The following TNR variants were observed in gnomAD, a reference collection of about 807,000 sequenced individuals.
TNR encodes the protein tenascin-R.
A neutral mutation model predicts 150.4 loss-of-function variants in TNR; 45 were observed. That is an observed-to-expected ratio of 0.30 (90% CI 0.24 to 0.38). The LOEUF (loss-of-function observed/expected upper bound fraction) is 0.38. TNR is among the 10% of genes least tolerant of loss of function. The probability of loss-of-function intolerance (pLI) is 1.00; values close to 1 mark genes in which losing one functional copy is unlikely to be tolerated. For missense variants in TNR, 1,544 were observed against 1,759.1 expected (o/e 0.88, Z 2.19); for synonymous variants, 687 against 678.4 (o/e 1.01, Z -0.20).
chr1:175,529,499 G>T (rs565433676), intron 1 of TNR, among the ~76,000 whole-genome samples: 41 of 152,164 alleles, frequency 2.7e-4, no homozygotes, highest in Non-Finnish European at 5.3e-4. Context: ...ATAATTCTGA[G>T]GTGGCATCAC....
At chr1:175,652,456 A>T (rs1311979330) in intron 1 of TNR, among the ~76,000 whole-genome samples, 1 of 152,116 alleles carries the variant, frequency 6.6e-6, no homozygotes, top group Non-Finnish European at 1.5e-5. Flanking sequence ...AAAATCCTGA[A>T]AATAAACAAA....
intron 9 of TNR, among the ~76,000 whole-genome samples, chr1:175,376,190 G>T (rs968196874): frequency 2.0e-5 from 3 of 152,086 alleles, no homozygotes; most frequent in African/African-American, 7.2e-5. Context: ...GAGAGGCAAG[G>T]TTCTAAACCA....
rs186756472 is a variant in TNR at position 175,340,502 on chromosome 1, C to T, written c.3383-2823G>A. Among the ~76,000 whole-genome samples, 21 of 152,336 alleles carry T rather than the reference C, an allele frequency of 1.4e-4. No homozygotes were observed. The East Asian group carries it at 1.5e-3, about 11-fold the overall frequency. ...ACCTGCTTCAGCCTGCAACTCTAGT[C>T]CTTGTCCAAAATATTATTCCTTTTT... is the stretch of plus-strand genomic sequence containing the variant. On this transcript the variant is annotated intron_variant, in intron 18 of 22. Transcript: ENST00000367674.
At chr1:175,518,697 C>G (rs1356448276) in intron 2 of TNR, among the ~76,000 whole-genome samples, 1 of 152,140 alleles carries the variant, frequency 6.6e-6, no homozygotes, top group Non-Finnish European at 1.5e-5. Context: ...CTCATTATAA[C>G]TCCATTACCT....
At chr1:175,456,142 T>C (rs192618187) in intron 2 of TNR, among the ~76,000 whole-genome samples, 6 of 152,282 alleles carry the variant, frequency 3.9e-5, no homozygotes, top group Admixed American at 3.3e-4. Flanking sequence ...GACTCCTGAA[T>C]ACGCCAGGCA....
rs1656373245 is a variant in TNR, at chr1:175,452,540, C to A, written c.-63-45763G>T. Among the ~76,000 whole-genome samples the A allele has an allele frequency of 2.6e-5, 4 of 152,314 alleles. No homozygotes were observed. The South Asian group carries it at 8.3e-4, about 32-fold the overall frequency. ...GCCTGGGGAAGATTTGGTGCAAAGG[C>A]CCTCCCAGGCCATGCTTTGGGTGTG... On this transcript the variant is annotated intron_variant, in intron 2 of 22. Coordinates refer to ENST00000367674, the MANE Select transcript of TNR (RefSeq NM_003285.3).
chr1:175,589,063 T>G (rs1379644736), intron 1 of TNR, among the ~76,000 whole-genome samples: 1 of 152,146 alleles, frequency 6.6e-6, no homozygotes, highest in East Asian at 1.9e-4. Flanking sequence ...ATAGTTAGTC[T>G]CTTAGTCAGT....
intron 1 of TNR, among the ~76,000 whole-genome samples, chr1:175,563,728 G>A (rs1159734165): frequency 6.6e-6 from 1 of 152,168 alleles, no homozygotes; most frequent in Admixed American, 6.5e-5. Context: ...AAAACGCATC[G>A]CTATTGGAAT....
intron 2 of TNR, among the ~76,000 whole-genome samples, chr1:175,467,956 A>G (rs1483190481): frequency 6.6e-6 from 1 of 152,240 alleles, no homozygotes; most frequent in Non-Finnish European, 1.5e-5. Context: ...TAACATAAAT[A>G]TGTCCTTAGG....
At chr1:175,434,844 A>G (rs116028424) in intron 2 of TNR, among the ~76,000 whole-genome samples, 6 of 152,180 alleles carry the variant, frequency 3.9e-5, no homozygotes, top group Admixed American at 6.5e-5. Flanking sequence ...CTTTCACCCC[A>G]TCACATGCAC....
chr1:175,561,368 G>A (rs577813288), intron 1 of TNR, among the ~76,000 whole-genome samples: 18 of 152,098 alleles, frequency 1.2e-4, no homozygotes, highest in Middle Eastern at 3.2e-3. Flanking sequence ...TCAAACAATC[G>A]GAAAGCAGCA....
chr1:175,405,616 AGAGTGTGTGT>A (rs1161717933), intron 3 of TNR, among the ~76,000 whole-genome samples: 2 of 56,214 alleles, frequency 3.6e-5, no homozygotes, highest in African/African-American at 1.6e-4. Flanking sequence ...TGTGTGTGTG[AGAGTGTGTGT>A]GTGTGTGTGT....
intron 1 of TNR, among the ~76,000 whole-genome samples, chr1:175,531,618 A>G (rs913358241): frequency 2.0e-5 from 3 of 151,908 alleles, no homozygotes; most frequent in African/African-American, 7.3e-5. Context: ...TGCTGACCTG[A>G]CTCTCCAGCA....
intron 2 of TNR, among the ~76,000 whole-genome samples, chr1:175,448,990 T>C (rs1656188665): frequency 1.3e-5 from 2 of 152,216 alleles, no homozygotes; most frequent in Admixed American, 6.5e-5. Flanking sequence ...TCTAACACGA[T>C]TATTTTTCTG....
chr1:175,474,214 TG>T (rs1657423135), intron 2 of TNR, among the ~76,000 whole-genome samples: 1 of 152,144 alleles, frequency 6.6e-6, no homozygotes, highest in African/African-American at 2.4e-5. Context: ...ATTCCTAGGT[TG>T]AAGTCCTAAC....
intron 1 of TNR, among the ~76,000 whole-genome samples, chr1:175,531,069 A>C (rs58567443): frequency 0.041 from 6,188 of 152,256 alleles, 253 homozygotes; most frequent in African/African-American, 0.1. Context: ...ATTTAGAGGA[A>C]TAGAATTAGA....
At chr1:175,488,979 G>T (rs1658128912) in intron 2 of TNR, among the ~76,000 whole-genome samples, 1 of 152,218 alleles carries the variant, frequency 6.6e-6, no homozygotes, top group African/African-American at 2.4e-5. Flanking sequence ...ATCTGCAAGT[G>T]AATTTAAAGT....
Position 175,386,334 on chromosome 1 carries a change from T to C in TNR, c.1508-33A>G, listed in dbSNP as rs759277528. On this transcript the variant is annotated intron_variant, in intron 7 of 22. Transcript: ENST00000367674. Reference sequence around the variant, plus strand: ...AGAAGGATCAAACAGAACAAAAAGTTTGAATGAGAAATAAGCCTTGGGTGT... The same window carrying C: ...AGAAGGATCAAACAGAACAAAAAGTCTGAATGAGAAATAAGCCTTGGGTGT... 93 of 1,509,340 alleles carry C rather than the reference T, an allele frequency of 6.2e-5. 1 individual carries two copies. In the Middle Eastern group the frequency reaches 7.2e-3, roughly 116 times the overall value. 93.5% of individuals were successfully genotyped at this position (1,509,340 alleles called of 1,614,324 possible).
At chr1:175,415,866 G>T (rs1045025276) in intron 2 of TNR, among the ~76,000 whole-genome samples, 2 of 152,146 alleles carry the variant, frequency 1.3e-5, no homozygotes, top group Admixed American at 1.3e-4. Context: ...TGAAGGTGAG[G>T]TCAGCTAGTT....
Sources: gnomAD v4.1 joint callset for allele counts (sites outside exome capture counted in the v4.1 genomes callset) on GRCh38, gnomAD v4.1.1 for gene constraint, MANE v1.5 for transcripts, NCBI Gene and HGNC (gene_info 2026-07-23, HGNC 2026-07-21) for gene names.